PACS1: variants seen among roughly 807,000 people sequenced by gnomAD.
PACS1 encodes the protein PACS-1.
Under a neutral mutation model 115.0 loss-of-function variants are expected in PACS1, and 24 were observed. That is an observed-to-expected ratio of 0.21 (90% confidence interval 0.15 to 0.29). The LOEUF is 0.29. Among genes scored for constraint, PACS1 ranks in the 10% least tolerant of loss-of-function variants. The probability of loss-of-function intolerance (pLI) is 1.00; values close to 1 mark genes in which losing one functional copy is unlikely to be tolerated. For synonymous variants in PACS1, 453 were observed against 504.5 expected (o/e 0.90, Z 1.37); for missense variants, 838 against 1,251.2 (o/e 0.67, Z 4.98).
intron 1 of PACS1, among the ~76,000 whole-genome samples, chr11:66,155,309 T>C (rs1330741000): frequency 6.6e-6 from 1 of 152,192 alleles, no homozygotes; most frequent in Non-Finnish European, 1.5e-5. Flanking sequence ...AATGTGCTTT[T>C]TCAGAAAGGA....
At chr11:66,206,003 C>T (rs988545717) in intron 2 of PACS1, among the ~76,000 whole-genome samples, 1 of 152,080 alleles carries the variant, frequency 6.6e-6, no homozygotes, top group Non-Finnish European at 1.5e-5. Flanking sequence ...CAAAAATTAG[C>T]CCGGCATTTT....
In PACS1 at chr11:66,170,329, A is replaced by C. The variant is rs1859706221; in HGVS notation, c.357-23157A>C. On this transcript the variant is annotated intron_variant, in intron 1 of 23. Transcript: ENST00000320580. ...CTTCTTAATGGCTGCTTAATTCATT[A>C]ATTTCAGCATTTCTTCTTTTCTCAT... is the stretch of plus-strand genomic sequence containing the variant. Among the ~76,000 whole-genome samples the C allele has an allele frequency of 1.3e-5, 2 of 150,406 alleles. 1 individual carries two copies. Among genetic ancestry groups the C allele is most frequent in the African/African-American group, 5.0e-5 (2 of 39,830 alleles).
chr11:66,132,815 C>T (rs528586969), intron 1 of PACS1, among the ~76,000 whole-genome samples: 2 of 152,258 alleles, frequency 1.3e-5, no homozygotes, highest in African/African-American at 4.8e-5. Context: ...ATTACAGGCA[C>T]ATGCCACCAC....
intron 10 of PACS1, among the ~76,000 whole-genome samples, chr11:66,224,024 C>G (rs1339655679): frequency 3.3e-5 from 5 of 151,964 alleles, no homozygotes; most frequent in African/African-American, 1.2e-4. Flanking sequence ...ATGGCAAAAC[C>G]CTGTTTCTAC....
chr11:66,112,119 C>T (rs1206786587), intron 1 of PACS1, among the ~76,000 whole-genome samples: 1 of 152,208 alleles, frequency 6.6e-6, no homozygotes, highest in Non-Finnish European at 1.5e-5. Context: ...TGCAGTTCTT[C>T]TCTACACTGC....
In PACS1 at chr11:66,080,306, G is replaced by A. The variant is rs183620962; in HGVS notation, c.356+9464G>A. On this transcript the variant is annotated intron_variant, in intron 1 of 23. Transcript: ENST00000320580. ...AGGCTGACAAAGTCCATTCTCTCCC[G>A]GGGTGTGCTTTCTGGTGGGGGTGAC... 1.4e-4 allele frequency among the ~76,000 whole-genome samples: 22 copies of A among 152,250 alleles called. No homozygotes were observed. The East Asian group carries it at 2.3e-3, about 16-fold the overall frequency.
intron 1 of PACS1, among the ~76,000 whole-genome samples, chr11:66,142,749 C>G (rs1397387980): frequency 6.6e-6 from 1 of 151,634 alleles, no homozygotes; most frequent in Non-Finnish European, 1.5e-5. Flanking sequence ...TGGGCAATGT[C>G]TCTACTAAGA....
rs769835809 is a variant in PACS1 at position 66,210,394 on chromosome 11, C to T, written c.477C>T (p.Ile159=). The change falls in exon 3 of 24, where the codon ATC becomes ATT. Residue 159 remains isoleucine (I), a synonymous_variant. Coordinates refer to ENST00000320580, the MANE Select transcript of PACS1 (RefSeq NM_018026.4). ...AAAGAATTCTTCGCTCCAACGAGAT[C>T]GTCCTTCCAGCTAGTGGACTGGTGG... ...GSKRILRSNE[I]VLPASGLVET... The T allele has an allele frequency of 1.3e-5, 21 of 1,613,908 alleles. No homozygotes were observed. Among genetic ancestry groups the T allele is most frequent in the Non-Finnish European group, 6.8e-6 (8 of 1,179,904 alleles).
intron 1 of PACS1, among the ~76,000 whole-genome samples, chr11:66,131,000 C>T (rs1346281718): frequency 3.3e-5 from 5 of 152,024 alleles, no homozygotes; most frequent in African/African-American, 7.2e-5. Flanking sequence ...GAGCCCAGGA[C>T]GTTCAGGCTG....
chr11:66,178,097 A>G (rs1338547276), intron 1 of PACS1, among the ~76,000 whole-genome samples: 1 of 149,070 alleles, frequency 6.7e-6, no homozygotes, highest in Non-Finnish European at 1.5e-5. Context: ...GTAGATATAT[A>G]GGAATATTTA....
At chr11:66,081,119 G>C (rs1360233901) in intron 1 of PACS1, among the ~76,000 whole-genome samples, 2 of 152,088 alleles carry the variant, frequency 1.3e-5, no homozygotes, top group Non-Finnish European at 2.9e-5. Flanking sequence ...TGTGGTCCCA[G>C]CTACTTGGGA....
intron 1 of PACS1, among the ~76,000 whole-genome samples, chr11:66,106,583 T>A (rs1455793189): frequency 1.3e-5 from 2 of 150,576 alleles, no homozygotes; most frequent in Non-Finnish European, 3.0e-5. Flanking sequence ...TAAAAAAAAA[T>A]ATAAAAAAAT....
intron 11 of PACS1, among the ~76,000 whole-genome samples, chr11:66,228,105 G>C (rs1269918266): frequency 2.0e-5 from 3 of 151,928 alleles, no homozygotes; most frequent in Admixed American, 6.6e-5. Context: ...CTTGTGCTGG[G>C]CACTGAAGAT....
At position 66,177,379 on chromosome 11, in the gene PACS1, C is replaced by T. The variant is rs550717128; in HGVS notation, c.357-16107C>T. Among the ~76,000 whole-genome samples the T allele has an allele frequency of 2.1e-3, 314 of 152,094 alleles. 2 individuals carry two copies. Among genetic ancestry groups the T allele is most frequent in the African/African-American group, 6.9e-3 (287 of 41,508 alleles). On this transcript the variant is annotated intron_variant, in intron 1 of 23. Coordinates refer to ENST00000320580, the MANE Select transcript of PACS1 (RefSeq NM_018026.4). Reference sequence around the variant, plus strand: ...GCTAATTTTGTATTTTTAGTAGAGACGGGGTTTCTCCATGTCGGTCAAGCT... The same window carrying T: ...GCTAATTTTGTATTTTTAGTAGAGATGGGGTTTCTCCATGTCGGTCAAGCT...
intron 1 of PACS1, among the ~76,000 whole-genome samples, chr11:66,088,714 A>G (rs1045053423): frequency 1.1e-4 from 17 of 152,106 alleles, no homozygotes; most frequent in Admixed American, 9.2e-4. Flanking sequence ...TAATTGCCTT[A>G]AGGTAGTCTT....
At chr11:66,213,655 C>T (rs938347398) in intron 4 of PACS1, among the ~76,000 whole-genome samples, 2 of 152,256 alleles carry the variant, frequency 1.3e-5, no homozygotes, top group Admixed American at 1.3e-4. Flanking sequence ...ACCGTGAGCA[C>T]ACATCGATAA....
chr11:66,116,895 C>A (rs373123044), intron 1 of PACS1, among the ~76,000 whole-genome samples: 38 of 147,588 alleles, frequency 2.6e-4, no homozygotes, highest in Non-Finnish European at 3.3e-4. Context: ...ATCTCAAAAA[C>A]AAAAAAAAAA....
chr11:66,207,745 G>T (rs1854976021), intron 2 of PACS1, among the ~76,000 whole-genome samples: 1 of 152,050 alleles, frequency 6.6e-6, no homozygotes, highest in Non-Finnish European at 1.5e-5. Flanking sequence ...AGGCTGGAGT[G>T]CAGTGATATA....
At chr11:66,112,017 C>T (rs1858199927) in intron 1 of PACS1, among the ~76,000 whole-genome samples, 1 of 152,194 alleles carries the variant, frequency 6.6e-6, no homozygotes, top group African/African-American at 2.4e-5. Flanking sequence ...CCCTTCCCAT[C>T]CCCCGTGGTT....
Sources: gnomAD v4.1 joint callset for allele counts (sites outside exome capture counted in the v4.1 genomes callset) on GRCh38, gnomAD v4.1.1 for gene constraint, MANE v1.5 for transcripts, NCBI Gene and HGNC (gene_info 2026-07-23, HGNC 2026-07-21) for gene names.